MAST4: variants seen among roughly 807,000 people sequenced by gnomAD.
MAST4 encodes the protein microtubule associated serine/threonine kinase family member 4.
A neutral mutation model predicts 162.7 loss-of-function variants in MAST4; 89 were observed. That is an observed-to-expected ratio of 0.55 (90% CI 0.46 to 0.65). The LOEUF (loss-of-function observed/expected upper bound fraction) is 0.65, where lower values mean the gene tolerates loss of function less well. MAST4 is among the 30% of genes least tolerant of loss of function. MAST4 has a pLI of 0.00. For missense variants in MAST4, 3,153 were observed against 3,374.0 expected (o/e 0.93, Z 1.62); for synonymous variants, 1,479 against 1,361.1 (o/e 1.09, Z -1.91).
At position 67,130,081 on chromosome 5, in the gene MAST4, T is replaced by C. The variant is rs1470671834; in HGVS notation, c.1746-129T>C. ...GGATGGGATGTTTGTAGCTGCCAGC[T>C]TGTGTGAGCTACATTCCACCTGCTG... is the stretch of plus-strand genomic sequence containing the variant. On this transcript the variant is annotated intron_variant, in intron 14 of 28. Coordinates refer to ENST00000403625, the MANE Select transcript of MAST4 (RefSeq NM_001164664.2). 1.3e-5 allele frequency: 10 copies of C among 771,880 alleles called. No individual in the cohort carries two copies. In the South Asian group the frequency reaches 1.7e-4, roughly 13 times the overall value. 47.8% of individuals were successfully genotyped at this position (771,880 alleles called of 1,614,324 possible).
At chr5:66,971,267 TAGAC>T (rs960640883) in intron 4 of MAST4, among the ~76,000 whole-genome samples, 9 of 152,204 alleles carry the variant, frequency 5.9e-5, no homozygotes, top group African/African-American at 2.2e-4. Context: ...AATTTTGTTT[TAGAC>T]AGAGCCTAGG....
intron 11 of MAST4, among the ~76,000 whole-genome samples, chr5:67,111,138 A>G (rs565076874): frequency 6.6e-6 from 1 of 152,320 alleles, no homozygotes; most frequent in South Asian, 2.1e-4. Flanking sequence ...AAAACTGTGA[A>G]CAAATATTTG....
chr5:67,088,785 C>T (rs111554626), intron 5 of MAST4, among the ~76,000 whole-genome samples: 2,943 of 152,278 alleles, frequency 0.019, 104 homozygotes, highest in African/African-American at 0.068. Flanking sequence ...ATGGGCTTCT[C>T]AGCGCTTCCC....
intron 1 of MAST4, among the ~76,000 whole-genome samples, chr5:66,651,882 C>G (rs990788039): frequency 3.9e-5 from 6 of 152,188 alleles, no homozygotes; most frequent in Non-Finnish European, 8.8e-5. Flanking sequence ...CAGAGAACTC[C>G]CTCAGTTCTG....
At chr5:66,769,054 G>T (rs1412629542) in intron 2 of MAST4, among the ~76,000 whole-genome samples, 1 of 152,120 alleles carries the variant, frequency 6.6e-6, no homozygotes, top group Admixed American at 6.6e-5. Context: ...AGCTATAAAT[G>T]TAGTAGGATT....
intron 1 of MAST4, among the ~76,000 whole-genome samples, chr5:66,648,991 A>C (rs1746042902): frequency 6.6e-6 from 1 of 152,172 alleles, no homozygotes; most frequent in East Asian, 1.9e-4. Context: ...GTGTCTGGAC[A>C]TACCTTCAGA....
intron 4 of MAST4, among the ~76,000 whole-genome samples, chr5:66,998,375 C>A (rs747638504): frequency 2.0e-5 from 3 of 152,178 alleles, no homozygotes; most frequent in Admixed American, 6.5e-5. Flanking sequence ...TTTAGCACTT[C>A]ATACACAACT....
intron 1 of MAST4, among the ~76,000 whole-genome samples, chr5:66,728,815 G>T (rs1048325884): frequency 1.3e-4 from 19 of 149,576 alleles, no homozygotes; most frequent in Admixed American, 2.0e-4. Flanking sequence ...AATGGAAGTC[G>T]TGATGGCTTT....
chr5:66,951,508 C>G (rs1744664081), intron 4 of MAST4, among the ~76,000 whole-genome samples: 1 of 151,920 alleles, frequency 6.6e-6, no homozygotes, highest in Admixed American at 6.6e-5. Flanking sequence ...ATCACATCAG[C>G]AAAGCCCCTT....
At chr5:66,820,776 T>A (rs1234224591) in intron 3 of MAST4, among the ~76,000 whole-genome samples, 2 of 152,232 alleles carry the variant, frequency 1.3e-5, no homozygotes, top group Non-Finnish European at 2.9e-5. Context: ...GAAAATTATG[T>A]ATGTGATTTA....
At chr5:66,603,975 G>A (rs1742714979) in intron 1 of MAST4, among the ~76,000 whole-genome samples, 1 of 152,218 alleles carries the variant, frequency 6.6e-6, no homozygotes, top group South Asian at 2.1e-4. Flanking sequence ...GCCAACAGCT[G>A]CTGCGCATTT....
chr5:66,735,081 T>C (rs1216664751), intron 1 of MAST4, among the ~76,000 whole-genome samples: 1 of 152,238 alleles, frequency 6.6e-6, no homozygotes, highest in Non-Finnish European at 1.5e-5. Context: ...CTGTTTTCTT[T>C]CTGACAGCAT....
At chr5:66,898,087 G>A (rs1323432848) in intron 3 of MAST4, among the ~76,000 whole-genome samples, 3 of 152,080 alleles carry the variant, frequency 2.0e-5, no homozygotes, top group Admixed American at 1.3e-4. Flanking sequence ...CAGCTTATTG[G>A]ACAGAGCAGT....
intron 24 of MAST4, among the ~76,000 whole-genome samples, chr5:67,152,318 G>A (rs1393747170): frequency 6.6e-6 from 1 of 152,184 alleles, no homozygotes; most frequent in African/African-American, 2.4e-5. Flanking sequence ...GTCACAGCCA[G>A]AGGCTAATCC....
chr5:66,622,435 T>TTTC (rs1554036026), intron 1 of MAST4, among the ~76,000 whole-genome samples: 1 of 151,460 alleles, frequency 6.6e-6, no homozygotes, highest in Non-Finnish European at 1.5e-5. Flanking sequence ...TTTTTTTTTT[T>TTTC]CTAACTTGGA....
At chr5:66,788,331 G>A (rs1223332357) in intron 2 of MAST4, among the ~76,000 whole-genome samples, 4 of 152,172 alleles carry the variant, frequency 2.6e-5, no homozygotes, top group South Asian at 4.2e-4. Flanking sequence ...AAATGCACGC[G>A]CTTACTTCTG....
At chr5:66,917,532 T>TC (rs1764193439) in intron 4 of MAST4, among the ~76,000 whole-genome samples, 1 of 151,892 alleles carries the variant, frequency 6.6e-6, no homozygotes, top group Non-Finnish European at 1.5e-5. Flanking sequence ...CTCACTATTT[T>TC]TAAAAAAACA....
chr5:67,114,359 A>G (rs1766629712), intron 12 of MAST4, 140 bp downstream of exon 12: 1 of 1,041,936 alleles, frequency 9.6e-7, no homozygotes. Flanking sequence ...ACTGGTTGCT[A>G]TTTGAAGGAA....
intron 1 of MAST4, among the ~76,000 whole-genome samples, chr5:66,626,659 T>TTA (rs544555713): frequency 7.9e-5 from 12 of 152,338 alleles, no homozygotes; most frequent in African/African-American, 2.9e-4. Context: ...TTCCTGTATC[T>TTA]TATAAGACAA....
Sources: gnomAD v4.1 joint callset for allele counts (sites outside exome capture counted in the v4.1 genomes callset) on GRCh38, gnomAD v4.1.1 for gene constraint, MANE v1.5 for transcripts, NCBI Gene and HGNC (gene_info 2026-07-23, HGNC 2026-07-21) for gene names.